Variants in RELN observed in about 807,000 individuals in gnomAD.
The protein encoded by RELN is reelin.
A neutral mutation model predicts 427.6 loss-of-function variants in RELN; 108 were observed. The observed-to-expected ratio is 0.25, with a 90% confidence interval of 0.22 to 0.30. The LOEUF is 0.30. Among genes scored for constraint, RELN ranks in the 10% least tolerant of loss-of-function variants. RELN has a pLI of 1.00. For synonymous variants in RELN, 1,524 were observed against 1,513.4 expected (o/e 1.01, Z -0.16); for missense variants, 3,715 against 4,302.8 (o/e 0.86, Z 3.82).
intron 38 of RELN, among the ~76,000 whole-genome samples, chr7:103,554,262 T>C (rs1010311202): frequency 2.0e-5 from 3 of 151,398 alleles, no homozygotes; most frequent in Admixed American, 6.6e-5. Flanking sequence ...AAAGTACTTG[T>C]CAGTACTTTG....
At chr7:103,896,004 A>C (rs967655814) in intron 2 of RELN, among the ~76,000 whole-genome samples, 1 of 152,154 alleles carries the variant, frequency 6.6e-6, no homozygotes, top group Non-Finnish European at 1.5e-5. Flanking sequence ...ATAAAAAGAC[A>C]ACTCAATTTT....
intron 40 of RELN, among the ~76,000 whole-genome samples, chr7:103,551,787 C>G: frequency 6.6e-6 from 1 of 152,122 alleles, no homozygotes; most frequent in East Asian, 1.9e-4. Flanking sequence ...GTCATCATTT[C>G]CCTGGCACAG....
Position 103,495,312 on chromosome 7 carries a change from C to T in RELN, c.9369+411G>A, listed in dbSNP as rs76636623. The stretch of plus-strand genomic sequence containing the variant: ...CTGGGATTACAGGTGTGCACTACCA[C>T]GACTGGCTTTTTTATTTTATTTATT... On this transcript the variant is annotated intron_variant, in intron 57 of 64. Coordinates refer to ENST00000428762, the MANE Select transcript of RELN (RefSeq NM_005045.4). Among the ~76,000 whole-genome samples the T allele has an allele frequency of 7.4e-3, 1,119 of 151,598 alleles. 9 individuals are homozygous for T. The highest frequency in any genetic ancestry group is 0.025 in the African/African-American group (1,045 of 41,348).
At chr7:103,859,965 C>T (rs1363393522) in intron 2 of RELN, among the ~76,000 whole-genome samples, 1 of 152,098 alleles carries the variant, frequency 6.6e-6, no homozygotes, top group East Asian at 1.9e-4. Flanking sequence ...TTCCTCAAAT[C>T]CCCATGAACA....
In RELN at chr7:103,776,639, T is replaced by C. The variant is rs750521720; in HGVS notation, c.474-12A>G. On this transcript the variant is annotated splice_polypyrimidine_tract_variant and intron_variant, in intron 3 of 64. Transcript: ENST00000428762. Reference sequence around the variant, plus strand: ...GTGTTGCTGTAGCCCTGGAAACAAATAGGAAAAGGTTAATTCAACTCTTGT... The same window carrying C: ...GTGTTGCTGTAGCCCTGGAAACAAACAGGAAAAGGTTAATTCAACTCTTGT... The C allele has an allele frequency of 8.1e-6, 13 of 1,613,524 alleles. No homozygotes were observed. Among genetic ancestry groups the C allele is most frequent in the South Asian group, 4.4e-5 (4 of 91,072 alleles).
intron 2 of RELN, among the ~76,000 whole-genome samples, chr7:103,877,862 T>C (rs1794519810): frequency 8.8e-6 from 1 of 113,616 alleles, no homozygotes; most frequent in Non-Finnish European, 1.9e-5. Context: ...CCCTGCCTTT[T>C]TTTTTTTTTT....
intron 3 of RELN, among the ~76,000 whole-genome samples, chr7:103,810,619 C>A (rs1187558669): frequency 6.6e-6 from 1 of 152,076 alleles, no homozygotes; most frequent in Non-Finnish European, 1.5e-5. Flanking sequence ...CTTAGTGCTC[C>A]TGGTTGCAGC....
At chr7:103,622,205 C>T (rs1832236980) in intron 20 of RELN, among the ~76,000 whole-genome samples, 1 of 152,198 alleles carries the variant, frequency 6.6e-6, no homozygotes, top group African/African-American at 2.4e-5. Context: ...AGAACTCTAA[C>T]TTTGGAGAAA....
At chr7:103,757,850 T>C (rs1255352039) in intron 4 of RELN, among the ~76,000 whole-genome samples, 6 of 152,186 alleles carry the variant, frequency 3.9e-5, no homozygotes, top group African/African-American at 1.2e-4. Context: ...CTTCATAATA[T>C]GGTCCTAATT....
chr7:103,924,885 C>A (rs932994109), intron 1 of RELN, among the ~76,000 whole-genome samples: 44 of 151,918 alleles, frequency 2.9e-4, no homozygotes, highest in African/African-American at 1.1e-3. Context: ...ATATAAATCT[C>A]TCCTACTCAA....
chr7:103,549,579 C>G (rs567249774), intron 41 of RELN, among the ~76,000 whole-genome samples: 1 of 152,218 alleles, frequency 6.6e-6, no homozygotes, highest in South Asian at 2.1e-4. Context: ...TCTTGGAACA[C>G]TTGGCTTTCA....
intron 53 of RELN, 72 bp from the exon 54 acceptor site, chr7:103,498,324 A>C: frequency 7.3e-7 from 1 of 1,373,132 alleles, no homozygotes. Context: ...AAGAAAATAC[A>C]GAGTGATGTC....
intron 3 of RELN, among the ~76,000 whole-genome samples, chr7:103,808,461 G>A (rs1317767210): frequency 2.6e-5 from 4 of 151,802 alleles, no homozygotes; most frequent in Admixed American, 1.3e-4. Context: ...TTCAACTCCT[G>A]CTCCCCCTGG....
intron 11 of RELN, among the ~76,000 whole-genome samples, chr7:103,664,992 T>C (rs1327224901): frequency 6.6e-6 from 1 of 150,750 alleles, no homozygotes; most frequent in Non-Finnish European, 1.5e-5. Context: ...GCTTTGTGCC[T>C]TTTTTATCTG....
chr7:103,519,151 T>C (rs1829641627), intron 49 of RELN, among the ~76,000 whole-genome samples, 172 bp downstream of exon 49: 1 of 152,176 alleles, frequency 6.6e-6, no homozygotes, highest in Non-Finnish European at 1.5e-5. Context: ...GTTCTTAAAA[T>C]AAAAACCCAA....
intron 5 of RELN, among the ~76,000 whole-genome samples, chr7:103,751,371 C>A (rs558030067): frequency 2.0e-5 from 3 of 152,204 alleles, no homozygotes; most frequent in Admixed American, 2.0e-4. Context: ...TTGGTGACAT[C>A]CCCAGCCATG....
At chr7:103,975,826 G>A (rs1032255938) in intron 1 of RELN, among the ~76,000 whole-genome samples, 2 of 151,494 alleles carry the variant, frequency 1.3e-5, no homozygotes, top group Non-Finnish European at 2.9e-5. Context: ...GATTACAGGC[G>A]TGAGCCACCG....
At chr7:103,844,095 T>A (rs1012018000) in intron 2 of RELN, among the ~76,000 whole-genome samples, 2 of 152,178 alleles carry the variant, frequency 1.3e-5, no homozygotes, top group Non-Finnish European at 2.9e-5. Flanking sequence ...ACTTCCAGTT[T>A]AGGAGTCAGA....
At chr7:103,677,559 A>C (rs772672159) in intron 11 of RELN, among the ~76,000 whole-genome samples, 27 of 150,294 alleles carry the variant, frequency 1.8e-4, no homozygotes, top group Non-Finnish European at 3.1e-4. Flanking sequence ...TGAGGTCAGG[A>C]GTTCGAGACG....
Sources: allele counts gnomAD v4.1 joint callset (sites outside exome capture counted in the v4.1 genomes callset), GRCh38; gene constraint gnomAD v4.1.1; transcripts MANE v1.5; gene names NCBI Gene and HGNC (gene_info 2026-07-23, HGNC 2026-07-21).